The following NACC2 variants were observed in gnomAD, a reference collection of about 807,000 sequenced individuals.
The protein encoded by NACC2 is NACC family member 2.
Under a neutral mutation model 25.1 loss-of-function variants are expected in NACC2, and 8 were observed. The ratio of observed to expected loss-of-function variants is 0.32; its 90% CI spans 0.19 to 0.57. The LOEUF is 0.57. NACC2 is among the 20% of genes least tolerant of loss of function. NACC2 has a pLI of 0.89. For synonymous variants in NACC2, 435 were observed against 294.7 expected (o/e 1.48, Z -4.88); for missense variants, 644 against 650.2 (o/e 0.99, Z 0.10).
Position 136,049,737 on chromosome 9 carries a change from G to A in NACC2, c.785C>T (p.Ser262Leu). The A allele has an allele frequency of 2.6e-6, 2 of 778,976 alleles. No individual in the cohort carries two copies. Among genetic ancestry groups the A allele is most frequent in the African/African-American group, 1.7e-5 (1 of 59,186 alleles). The allele number at this position is 778,976 out of a possible 1,614,324, so 48.3% of individuals were successfully genotyped here. A position where few individuals can be genotyped will look rare whatever the true frequency, so the allele number is the denominator to read the frequency against. ...CTCCTCGTCCTCCTCGTTGTGGTAC[G>A]AGGTGGGGCTGTCGGTGGTGGGCAG... The part of the protein sequence containing the change: ...SSLPTTDSPT[S>L]YHNEEDEEDD... The change falls in exon 2 of 6, where the codon TCG becomes TTG. Residue 262 changes from serine (S) to leucine (L), a missense_variant. By Grantham distance (145) the Ser-to-Leu change is moderately radical (BLOSUM62 -2). Coordinates refer to ENST00000277554, the MANE Select transcript of NACC2 (RefSeq NM_144653.5).
At chr9:136,080,800 A>C (rs796948754) in intron 1 of NACC2, among the ~76,000 whole-genome samples, 2 of 152,292 alleles carry the variant, frequency 1.3e-5, no homozygotes, top group African/African-American at 4.8e-5. Flanking sequence ...CAGAGGATGC[A>C]GGGAGAGCAG....
intron 1 of NACC2, among the ~76,000 whole-genome samples, chr9:136,087,730 C>A (rs1830393470): frequency 6.6e-6 from 1 of 152,180 alleles, no homozygotes; most frequent in Non-Finnish European, 1.5e-5. Flanking sequence ...AAATGAGGCT[C>A]GAATCCCAAG....
rs986866363 is a variant in NACC2 at position 136,010,308 on chromosome 9, C to G, written c.*1208G>C. ...AGGCACCCTCCATCCATGCACACCCCTCAAGGCAGACGGGGAGCCCAGCAC... is the reference window on the plus strand; with the variant it reads ...AGGCACCCTCCATCCATGCACACCCGTCAAGGCAGACGGGGAGCCCAGCAC... On this transcript the variant is annotated 3_prime_UTR_variant, in exon 6 of 6. Transcript: ENST00000277554. The surrounding 1 kb of genome is among the most constrained non-coding windows in gnomAD (Gnocchi z 4.9). 6.5e-6 allele frequency: 1 copy of G among 153,428 alleles called. No homozygotes were observed. The highest frequency in any genetic ancestry group is 1.5e-5 in the Non-Finnish European group (1 of 68,906). 9.5% of individuals were successfully genotyped at this position (153,428 alleles called of 1,614,324 possible).
intron 1 of NACC2, among the ~76,000 whole-genome samples, chr9:136,059,814 C>A (rs1840982856): frequency 6.6e-6 from 1 of 152,212 alleles, no homozygotes; most frequent in African/African-American, 2.4e-5. Context: ...GCTTCCCCAG[C>A]CCTCTAGTCG....
At chr9:136,059,916 C>T (rs542449233) in intron 1 of NACC2, among the ~76,000 whole-genome samples, 34 of 152,360 alleles carry the variant, frequency 2.2e-4, no homozygotes, top group African/African-American at 8.2e-4. Flanking sequence ...ACCCCGATGT[C>T]CTGACCAGCA....
At position 136,007,149 on chromosome 9, in the gene NACC2, C is replaced by T. The variant is rs746604875; in HGVS notation, c.*4367G>A. The T allele has an allele frequency of 7.8e-5, 12 of 154,496 alleles. No individual in the cohort carries two copies. Among genetic ancestry groups the T allele is most frequent in the African/African-American group, 2.4e-4 (10 of 41,624 alleles). The allele number at this position is 154,496 out of a possible 1,614,324, so 9.6% of individuals were successfully genotyped here. A position where few individuals can be genotyped will look rare whatever the true frequency, so the allele number is the denominator to read the frequency against. Reference sequence around the variant, plus strand: ...CTTCTTTTGACATAAAAATCACAATCGTGTACGATGCTAACAATGGAAGCG... The same window carrying T: ...CTTCTTTTGACATAAAAATCACAATTGTGTACGATGCTAACAATGGAAGCG... On this transcript the variant is annotated 3_prime_UTR_variant, in exon 6 of 6. Coordinates refer to ENST00000277554, the MANE Select transcript of NACC2 (RefSeq NM_144653.5).
At chr9:136,082,833 C>T (rs984949785) in intron 1 of NACC2, among the ~76,000 whole-genome samples, 1 of 152,206 alleles carries the variant, frequency 6.6e-6, no homozygotes, top group Admixed American at 6.5e-5. Context: ...CCCTCCCTCT[C>T]CCCAGAAGGA....
rs964857552 is a variant in NACC2, at chr9:136,084,776, A to G, written c.-60+10413T>C. Among the ~76,000 whole-genome samples, 1 of 152,132 alleles carries G rather than the reference A, an allele frequency of 6.6e-6. No homozygotes were observed. Among genetic ancestry groups the G allele is most frequent in the African/African-American group, 2.4e-5 (1 of 41,426 alleles). On this transcript the variant is annotated intron_variant, in intron 1 of 5. Transcript: ENST00000277554. This position sits in a 1 kb window ranked among gnomAD's most constrained non-coding sequence, Gnocchi z 5.1. ...GCCTGGAGAAGGGACGGGCTCCGCC[A>G]CTCCCTGCAACCCGGAGGAGCCGTG... is the stretch of plus-strand genomic sequence containing the variant.
At chr9:136,033,897 GT>G (rs1454456369) in intron 2 of NACC2, among the ~76,000 whole-genome samples, 6 of 20,300 alleles carry the variant, frequency 3.0e-4, no homozygotes, top group East Asian at 9.5e-4. Flanking sequence ...TCCAGCAGGT[GT>G]GTGTGTGTGT....
At chr9:136,058,074 G>A (rs575726927) in intron 1 of NACC2, among the ~76,000 whole-genome samples, 3 of 152,036 alleles carry the variant, frequency 2.0e-5, no homozygotes, top group South Asian at 2.1e-4. Flanking sequence ...AAATCAGAGC[G>A]ACACAGAAAC....
At chr9:136,017,585 A>T (rs1283459102) in intron 2 of NACC2, among the ~76,000 whole-genome samples, 1 of 138,404 alleles carries the variant, frequency 7.2e-6, no homozygotes, top group East Asian at 2.1e-4. Context: ...TCACAAGCCC[A>T]GCAGGGTTCC....
At chr9:136,042,881 C>T (rs1488612595) in intron 2 of NACC2, among the ~76,000 whole-genome samples, 2 of 151,594 alleles carry the variant, frequency 1.3e-5, no homozygotes, top group Non-Finnish European at 2.9e-5. Flanking sequence ...AACAGACACA[C>T]ACACAGACAC....
rs1840027397 is a variant in NACC2 at position 136,007,260 on chromosome 9, A to G, written c.*4256T>C. 6.5e-6 allele frequency: 1 copy of G among 154,420 alleles called. No individual in the cohort carries two copies. Among genetic ancestry groups the G allele is most frequent in the Non-Finnish European group, 1.5e-5 (1 of 68,210 alleles). 9.6% of individuals were successfully genotyped at this position (154,420 alleles called of 1,614,324 possible). A position where few individuals can be genotyped will look rare whatever the true frequency, so the allele number is the denominator to read the frequency against. On this transcript the variant is annotated 3_prime_UTR_variant, in exon 6 of 6. Transcript: ENST00000277554. ...TTTCCTTTTCTTTTTCCAAAGAAAC[A>G]AAACAAACAAACACGAAAAACCTTT...
chr9:136,042,769 G>GAC (rs1332241560), intron 2 of NACC2, among the ~76,000 whole-genome samples: 3 of 142,664 alleles, frequency 2.1e-5, no homozygotes, highest in African/African-American at 7.8e-5. Context: ...CACACACAGA[G>GAC]ACACACAGAC....
At chr9:136,068,616 T>C (rs1176424483) in intron 1 of NACC2, among the ~76,000 whole-genome samples, 1 of 151,722 alleles carries the variant, frequency 6.6e-6, no homozygotes, top group Non-Finnish European at 1.5e-5. Flanking sequence ...GTATACGCTG[T>C]CCCCTGAACT....
chr9:136,033,120 G>A (rs1840497501), intron 2 of NACC2, among the ~76,000 whole-genome samples: 2 of 152,054 alleles, frequency 1.3e-5, no homozygotes, highest in South Asian at 4.1e-4. Flanking sequence ...AGACTGCAGT[G>A]AGCCAAGATC....
At chr9:136,026,305 T>C (rs1292765954) in intron 2 of NACC2, among the ~76,000 whole-genome samples, 1 of 122,990 alleles carries the variant, frequency 8.1e-6, no homozygotes, top group South Asian at 2.6e-4. Context: ...ATGGCACCAC[T>C]GCACTCCAGC....
At chr9:136,032,924 A>T (rs1450172235) in intron 2 of NACC2, among the ~76,000 whole-genome samples, 2 of 152,138 alleles carry the variant, frequency 1.3e-5, no homozygotes, top group Non-Finnish European at 2.9e-5. Context: ...AGGCTGAGGC[A>T]GGAGAATCAC....
intron 1 of NACC2, among the ~76,000 whole-genome samples, chr9:136,051,528 C>T (rs1733338607): frequency 2.0e-5 from 3 of 152,122 alleles, no homozygotes. Flanking sequence ...GCGGGGGCGG[C>T]CCAGAAGGCG....
Sources: allele counts gnomAD v4.1 joint callset (sites outside exome capture counted in the v4.1 genomes callset), GRCh38; gene constraint gnomAD v4.1.1; non-coding constraint Gnocchi (gnomAD v3.1); transcripts MANE v1.5; gene names NCBI Gene and HGNC (gene_info 2026-07-23, HGNC 2026-07-21).